The following PAWR variants were observed in gnomAD, a reference collection of about 807,000 sequenced individuals.
PAWR encodes the protein pro-apoptotic WT1 regulator.
PAWR carries 23 observed loss-of-function variants against 32.0 expected under a neutral mutation model. That is an observed-to-expected ratio of 0.72 (90% CI 0.52 to 1.02). The LOEUF (loss-of-function observed/expected upper bound fraction) is 1.02. Ranked by LOEUF, PAWR falls within the 50% of genes least tolerant of loss-of-function variation. The probability of loss-of-function intolerance (pLI) is 0.00; values close to 1 mark genes in which losing one functional copy is unlikely to be tolerated. For missense variants in PAWR, 457 were observed against 437.7 expected, an observed-to-expected ratio of 1.04 and a Z score of -0.39; for synonymous variants, 226 against 187.1, an observed-to-expected ratio of 1.21 and a Z score of -1.70.
intron 4 of PAWR, among the ~76,000 whole-genome samples, chr12:79,613,165 GAACCTGAC>G (rs1874519419): frequency 6.6e-6 from 1 of 152,202 alleles, no homozygotes; most frequent in Non-Finnish European, 1.5e-5. Flanking sequence ...GTCCTCACCA[GAACCTGAC>G]AATGGTGGAC....
intron 2 of PAWR, 143 bp downstream of exon 2, chr12:79,689,586 C>G: frequency 1.1e-6 from 1 of 899,384 alleles, no homozygotes; most frequent in African/African-American, 1.7e-5. Context: ...AACTCCATCA[C>G]CCCCTGCCTG....
chr12:79,685,494 A>C (rs1878640489), intron 2 of PAWR, among the ~76,000 whole-genome samples: 1 of 152,202 alleles, frequency 6.6e-6, no homozygotes, highest in Non-Finnish European at 1.5e-5. Flanking sequence ...CTATATGTTA[A>C]ATGCTCCTTT....
chr12:79,639,840 A>T (rs767882039), intron 2 of PAWR, among the ~76,000 whole-genome samples: 2 of 69,114 alleles, frequency 2.9e-5, no homozygotes, highest in Admixed American at 1.6e-4. Flanking sequence ...TTCCATTCCT[A>T]TTCCTATTCC....
At position 79,618,130 on chromosome 12, in the gene PAWR, T is replaced by C. The variant is rs149701612; in HGVS notation, c.648+2946A>G. On this transcript the variant is annotated intron_variant, in intron 3 of 6. Transcript: ENST00000328827. ...ACCTCAAATACTCATCACTTCTTTT[T>C]TTTTTTGTTTCTTTTTTTGAGACAC... is the stretch of plus-strand genomic sequence containing the variant. Among the ~76,000 whole-genome samples, 622 of 152,290 alleles carry C rather than the reference T, an allele frequency of 4.1e-3. 12 individuals are homozygous for C. The highest frequency in any genetic ancestry group is 0.014 in the African/African-American group (590 of 41,558).
intron 4 of PAWR, among the ~76,000 whole-genome samples, chr12:79,607,728 CAA>C (rs566552836): frequency 0.014 from 1,797 of 127,062 alleles, 14 homozygotes; most frequent in Admixed American, 0.022. Context: ...GACCTTGTCT[CAA>C]AAAAAAAAAA....
intron 4 of PAWR, chr12:79,603,584 T>C (rs570016581): frequency 3.6e-4 from 54 of 151,758 alleles, no homozygotes; most frequent in African/African-American, 1.2e-3. Context: ...TTTAAAACAA[T>C]ATTTCAAAAA....
intron 4 of PAWR, among the ~76,000 whole-genome samples, chr12:79,610,291 TTC>T (rs1874375872): frequency 6.6e-6 from 1 of 152,324 alleles, no homozygotes; most frequent in Non-Finnish European, 1.5e-5. Context: ...TACCTAGCAT[TTC>T]TGGTGAACAA....
At chr12:79,596,392 A>G in intron 5 of PAWR, 119 bp downstream of exon 5, 1 of 576,952 alleles carries the variant, frequency 1.7e-6, no homozygotes, top group Non-Finnish European at 2.9e-6. Flanking sequence ...CAGTTGGCAG[A>G]AAAGCGCACA....
At chr12:79,633,503 G>A (rs1269430842) in intron 2 of PAWR, among the ~76,000 whole-genome samples, 1 of 152,088 alleles carries the variant, frequency 6.6e-6, no homozygotes, top group Non-Finnish European at 1.5e-5. Context: ...GCAGCATAAA[G>A]TCAGCTGTTT....
At position 79,593,702 on chromosome 12, in the gene PAWR, T is replaced by A. The variant is rs1040498442; in HGVS notation, c.936+627A>T. On this transcript the variant is annotated intron_variant, in intron 6 of 6. Coordinates refer to ENST00000328827, the MANE Select transcript of PAWR (RefSeq NM_002583.4). ...ATAATAAAGAGTACCAATTTTAGGG[T>A]TTTTTTTTTTTTTTTTTGAGACAGA... 9.7e-4 allele frequency among the ~76,000 whole-genome samples: 120 copies of A among 123,494 alleles called. 1 individual carries two copies. Among genetic ancestry groups the A allele is most frequent in the African/African-American group, 1.2e-3 (37 of 31,376 alleles). The allele number at this position is 123,494 out of a possible 152,430, so 81.0% of individuals were successfully genotyped here.
intron 4 of PAWR, 86 bp downstream of exon 4, chr12:79,613,489 G>A (rs1874531847): frequency 1.6e-6 from 1 of 625,894 alleles, no homozygotes. Context: ...TTTTCAAAAA[G>A]CTGCTTTAAA....
At chr12:79,621,265 T>C (rs1874999936) in intron 2 of PAWR, 58 bp from the exon 3 acceptor site, 2 of 1,243,020 alleles carry the variant, frequency 1.6e-6, no homozygotes, top group South Asian at 1.3e-5. Flanking sequence ...GTTTCGATAA[T>C]ATGTGAAAAT....
At chr12:79,645,115 T>C (rs986468407) in intron 2 of PAWR, among the ~76,000 whole-genome samples, 1 of 151,400 alleles carries the variant, frequency 6.6e-6, no homozygotes, top group Non-Finnish European at 1.5e-5. Flanking sequence ...CTAATCGGAC[T>C]CCAAGTTTTA....
rs576813787 is a variant in PAWR, at chr12:79,598,731, C to T, written c.684-2073G>A. Among the ~76,000 whole-genome samples, 3 of 152,282 alleles carry T rather than the reference C, an allele frequency of 2.0e-5. No homozygotes were observed. In the East Asian group the frequency reaches 5.8e-4, roughly 29 times the overall value. ...ATATCGTAGAACCCTTTATAACCAGCTAAGGTAACTTTCTCCTCAAAAATC... is the reference window on the plus strand; with the variant it reads ...ATATCGTAGAACCCTTTATAACCAGTTAAGGTAACTTTCTCCTCAAAAATC... On this transcript the variant is annotated intron_variant, in intron 4 of 6. Coordinates refer to ENST00000328827, the MANE Select transcript of PAWR (RefSeq NM_002583.4).
intron 2 of PAWR, among the ~76,000 whole-genome samples, chr12:79,640,296 C>T (rs1876259343): frequency 6.6e-6 from 1 of 152,140 alleles, no homozygotes; most frequent in Admixed American, 6.6e-5. Context: ...AAATCCTCCA[C>T]TTCTCTCCCA....
In PAWR at chr12:79,690,075, GC is replaced by G; in HGVS notation, c.169del (p.Ala57LeufsTer33). 2.1e-6 allele frequency: 3 copies of G among 1,412,652 alleles called. No individual in the cohort carries two copies. The highest frequency in any genetic ancestry group is 2.7e-6 in the Non-Finnish European group (3 of 1,094,104). 87.5% of individuals were successfully genotyped at this position (1,412,652 alleles called of 1,614,324 possible). ...SDAAGKPPAG[A>X]LGTPAAAAAN... ...AGCGGCGGCCGCCGGGGTGCCCAGAGCCCCCGCGGGGGGCTTCCCAGCGGCG... is the reference window on the plus strand; with the variant it reads ...AGCGGCGGCCGCCGGGGTGCCCAGAGCCCCGCGGGGGGCTTCCCAGCGGCG... On this transcript the variant is annotated frameshift_variant, in exon 2 of 7. Coordinates refer to ENST00000328827, the MANE Select transcript of PAWR (RefSeq NM_002583.4). LOFTEE classifies it high-confidence loss of function.
chr12:79,653,918 G>A (rs1487069753), intron 2 of PAWR, among the ~76,000 whole-genome samples: 1 of 152,148 alleles, frequency 6.6e-6, no homozygotes, highest in Non-Finnish European at 1.5e-5. Context: ...TTTAGTTGAG[G>A]CCTAAGAACT....
intron 2 of PAWR, among the ~76,000 whole-genome samples, chr12:79,664,655 T>C (rs1476046294): frequency 3.4e-5 from 1 of 29,714 alleles, no homozygotes; most frequent in Non-Finnish European, 6.3e-5. Flanking sequence ...GTAGACTCTT[T>C]GGCGGGGGGG....
Position 79,639,881 on chromosome 12 carries a change from T to TATTCCTATTCCTATTCCTATTCCC in PAWR, c.517-18675_517-18674insGGGAATAGGAATAGGAATAGGAAT. Reference sequence around the variant, plus strand: ...CTATTCCTATTCCTATTCCTATTCCTATTCCATTCCATTCCATTCCATTCC... The same window carrying TATTCCTATTCCTATTCCTATTCCC: ...CTATTCCTATTCCTATTCCTATTCCTATTCCTATTCCTATTCCTATTCCCATTCCATTCCATTCCATTCCATTCC... On this transcript the variant is annotated intron_variant, in intron 2 of 6. Coordinates refer to ENST00000328827, the MANE Select transcript of PAWR (RefSeq NM_002583.4). 4.4e-4 allele frequency among the ~76,000 whole-genome samples: 49 copies of TATTCCTATTCCTATTCCTATTCCC among 112,542 alleles called. 2 individuals carry two copies. Among genetic ancestry groups the TATTCCTATTCCTATTCCTATTCCC allele is most frequent in the African/African-American group, 2.3e-3 (46 of 19,790 alleles). The allele number at this position is 112,542 out of a possible 152,430, so 73.8% of individuals were successfully genotyped here. A position where few individuals can be genotyped will look rare whatever the true frequency, so the allele number is the denominator to read the frequency against.
Sources: allele counts gnomAD v4.1 joint callset (sites outside exome capture counted in the v4.1 genomes callset), GRCh38; gene constraint gnomAD v4.1.1; transcripts MANE v1.5; gene names NCBI Gene and HGNC (gene_info 2026-07-23, HGNC 2026-07-21).